ANO4: variants seen among roughly 807,000 people sequenced by gnomAD.
ANO4 encodes the protein anoctamin-4.
In ANO4, 69 loss-of-function variants were observed where a neutral mutation model predicts 141.9. That is an observed-to-expected ratio of 0.49 (90% confidence interval 0.40 to 0.59). The LOEUF (loss-of-function observed/expected upper bound fraction) is 0.59. ANO4 is among the 20% of genes least tolerant of loss of function. The probability of loss-of-function intolerance (pLI) is 0.00; values close to 1 mark genes in which losing one functional copy is unlikely to be tolerated. For missense variants in ANO4, 894 were observed against 1,162.2 expected (o/e 0.77, Z 3.36); for synonymous variants, 350 against 394.3 (o/e 0.89, Z 1.33).
chr12:100,937,761 T>A (rs150101660), intron 3 of ANO4, among the ~76,000 whole-genome samples: 1 of 152,180 alleles, frequency 6.6e-6, no homozygotes, highest in African/African-American at 2.4e-5. Context: ...GGGGAGAATC[T>A]GCTTTTTTGT....
chr12:101,091,739 GCTAGA>G (rs780419048), intron 17 of ANO4, among the ~76,000 whole-genome samples: 84 of 148,760 alleles, frequency 5.6e-4, no homozygotes, highest in Non-Finnish European at 9.2e-4. Flanking sequence ...AACCTTGAGA[GCTAGA>G]TTAAAGACTC....
chr12:101,092,793 C>A (rs1566237831), intron 17 of ANO4, among the ~76,000 whole-genome samples: 1 of 152,074 alleles, frequency 6.6e-6, no homozygotes, highest in Non-Finnish European at 1.5e-5. Context: ...CTCCGAGGGC[C>A]TTTTAGACAA....
intron 1 of ANO4, among the ~76,000 whole-genome samples, chr12:100,873,544 G>A (rs1398396772): frequency 6.6e-6 from 1 of 152,138 alleles, no homozygotes; most frequent in East Asian, 1.9e-4. Context: ...ATTTAAGAGT[G>A]GTGATTTAGG....
At chr12:100,846,177 A>G (rs17403514) in intron 1 of ANO4, among the ~76,000 whole-genome samples, 4,000 of 152,312 alleles carry the variant, frequency 0.026, 80 homozygotes, top group Non-Finnish European at 0.041. Flanking sequence ...TTAAATCTGT[A>G]GTGTCCCAAA....
chr12:100,848,675 C>T (rs996448624), intron 1 of ANO4, among the ~76,000 whole-genome samples: 3 of 152,214 alleles, frequency 2.0e-5, no homozygotes, highest in South Asian at 4.2e-4. Context: ...TTTCTGCACG[C>T]GACCCCCTCA....
intron 3 of ANO4, among the ~76,000 whole-genome samples, chr12:100,776,043 T>C (rs1193874564): frequency 1.3e-5 from 2 of 152,232 alleles, no homozygotes; most frequent in Non-Finnish European, 1.5e-5. Flanking sequence ...GAGTGCTTAC[T>C]ATATGCCAAG....
At chr12:101,034,383 C>G (rs1299940996) in intron 9 of ANO4, among the ~76,000 whole-genome samples, 1 of 152,108 alleles carries the variant, frequency 6.6e-6, no homozygotes, top group Non-Finnish European at 1.5e-5. Flanking sequence ...CAAACTAAGA[C>G]AGGAACAGAA....
intron 14 of ANO4, among the ~76,000 whole-genome samples, chr12:101,053,713 C>T (rs919127801): frequency 6.6e-6 from 1 of 152,208 alleles, no homozygotes; most frequent in Admixed American, 6.5e-5. Context: ...CCCATCTTAA[C>T]TAATTACATG....
chr12:100,841,199 A>G (rs1320191578), intron 1 of ANO4, among the ~76,000 whole-genome samples: 1 of 152,224 alleles, frequency 6.6e-6, no homozygotes, highest in Non-Finnish European at 1.5e-5. Flanking sequence ...TACCACTGTC[A>G]TACTACTAAA....
intron 1 of ANO4, among the ~76,000 whole-genome samples, chr12:100,719,163 T>C (rs1046271043): frequency 6.6e-6 from 1 of 152,224 alleles, no homozygotes; most frequent in Non-Finnish European, 1.5e-5. Context: ...CATTAGACCC[T>C]TAAAGAGAAC....
At chr12:101,051,334 A>T (rs2047861552) in intron 14 of ANO4, among the ~76,000 whole-genome samples, 1 of 152,146 alleles carries the variant, frequency 6.6e-6, no homozygotes, top group Non-Finnish European at 1.5e-5. Flanking sequence ...TAAGACTCTG[A>T]TGGATGTTTT....
intron 17 of ANO4, among the ~76,000 whole-genome samples, chr12:101,092,965 G>A (rs186082865): frequency 1.2e-4 from 19 of 152,170 alleles, no homozygotes; most frequent in African/African-American, 4.1e-4. Flanking sequence ...TAATGCCTTC[G>A]TAATACATTG....
intron 5 of ANO4, among the ~76,000 whole-genome samples, chr12:100,950,680 G>A (rs1374291055): frequency 1.3e-5 from 2 of 152,194 alleles, no homozygotes; most frequent in African/African-American, 4.8e-5. Flanking sequence ...GTAATCAGCA[G>A]GTGCAGCACA....
chr12:100,902,775 C>A (rs752305420), intron 2 of ANO4, among the ~76,000 whole-genome samples: 8 of 152,210 alleles, frequency 5.3e-5, no homozygotes, highest in Non-Finnish European at 1.2e-4. Flanking sequence ...AAATGTATTG[C>A]TCTTTATGCA....
intron 14 of ANO4, among the ~76,000 whole-genome samples, chr12:101,054,639 A>G (rs1403657076): frequency 6.6e-6 from 1 of 152,162 alleles, no homozygotes; most frequent in Non-Finnish European, 1.5e-5. Flanking sequence ...AGCTGGGATT[A>G]CAGGCGCCCG....
intron 8 of ANO4, among the ~76,000 whole-genome samples, chr12:101,016,628 T>C (rs1421428946): frequency 3.3e-5 from 5 of 152,222 alleles, no homozygotes; most frequent in African/African-American, 9.6e-5. Context: ...TATCATGTGC[T>C]AAGCCCTTTA....
chr12:100,959,163 G>GA (rs2043299721), intron 5 of ANO4, among the ~76,000 whole-genome samples: 1 of 152,016 alleles, frequency 6.6e-6, no homozygotes, highest in South Asian at 2.1e-4. Context: ...TACTCTGATA[G>GA]AAAATGAAAA....
intron 1 of ANO4, among the ~76,000 whole-genome samples, chr12:100,884,734 A>C (rs1357730433): frequency 6.6e-6 from 1 of 152,082 alleles, no homozygotes; most frequent in Non-Finnish European, 1.5e-5. Context: ...TCGCTCTATC[A>C]CCCAGGCTGG....
At chr12:101,115,620 C>G (rs1324389293) in intron 24 of ANO4, among the ~76,000 whole-genome samples, 1 of 152,176 alleles carries the variant, frequency 6.6e-6, no homozygotes, top group Non-Finnish European at 1.5e-5. Flanking sequence ...CCCAAAGTTT[C>G]AAACATTGTT....
Sources: gnomAD v4.1 joint callset for allele counts (sites outside exome capture counted in the v4.1 genomes callset) on GRCh38, gnomAD v4.1.1 for gene constraint, MANE v1.5 for transcripts, NCBI Gene and HGNC (gene_info 2026-07-23, HGNC 2026-07-21) for gene names.